Variants in SYTL5 observed in about 807,000 individuals in gnomAD.
The protein encoded by SYTL5 is synaptotagmin-like protein 5.
In SYTL5, 34 loss-of-function variants were observed where a neutral mutation model predicts 55.9. The observed-to-expected ratio is 0.61, with a 90% confidence interval of 0.46 to 0.81. The LOEUF (loss-of-function observed/expected upper bound fraction) is 0.81. Among genes scored for constraint, SYTL5 ranks in the 30% least tolerant of loss-of-function variants. The probability of loss-of-function intolerance (pLI) is 0.00; values close to 1 mark genes in which losing one functional copy is unlikely to be tolerated. For synonymous variants in SYTL5, 221 were observed against 188.7 expected, an observed-to-expected ratio of 1.17 and a Z score of -1.40; for missense variants, 637 against 546.7, an observed-to-expected ratio of 1.17 and a Z score of -1.65.
At chrX:38,110,232 C>A in intron 12 of SYTL5, 89 bp from the exon 13 acceptor site, 1 of 650,622 alleles carries the variant, frequency 1.5e-6, no homozygotes, top group Non-Finnish European at 2.2e-6. Flanking sequence ...TGCATATGAT[C>A]TGAAAGATGT....
chrX:38,036,882 C>T (rs1935123550), intron 2 of SYTL5, among the ~76,000 whole-genome samples: 1 of 111,848 alleles, frequency 8.9e-6, no homozygotes, highest in Admixed American at 9.5e-5. Context: ...ATATTACAAA[C>T]AGCTTAGAGC....
intron 7 of SYTL5, among the ~76,000 whole-genome samples, chrX:38,092,319 C>T (rs1272658736): frequency 9.0e-6 from 1 of 111,686 alleles, no homozygotes; most frequent in Non-Finnish European, 1.9e-5. Context: ...GATAGGCTGT[C>T]TGCAAGCTGC....
the SYTL5 span, among the ~76,000 whole-genome samples, chrX:37,973,418 A>G: frequency 9.0e-6 from 1 of 111,648 alleles, no homozygotes; most frequent in Non-Finnish European, 1.9e-5. Flanking sequence ...AAAAGTGGTC[A>G]GAATCAACTT....
chrX:37,900,311 A>G, the SYTL5 span, among the ~76,000 whole-genome samples: 1 of 112,692 alleles, frequency 8.9e-6, no homozygotes, highest in Admixed American at 9.4e-5. Context: ...AACAGAATTC[A>G]TACTTTCATA....
At chrX:37,959,608 G>A in the SYTL5 span, among the ~76,000 whole-genome samples, 1 of 111,874 alleles carries the variant, frequency 8.9e-6, no homozygotes, top group African/African-American at 3.3e-5. Flanking sequence ...GTTGTCCCTA[G>A]TATTTACCTT....
intron 3 of SYTL5, among the ~76,000 whole-genome samples, chrX:38,067,874 C>T (rs1366215430): frequency 1.8e-5 from 2 of 111,475 alleles, no homozygotes; most frequent in African/African-American, 6.5e-5. Context: ...GAATATCAGC[C>T]TTGGCAAATA....
At chrX:37,899,981 A>G in the SYTL5 span, among the ~76,000 whole-genome samples, 2 of 112,351 alleles carry the variant, frequency 1.8e-5, no homozygotes, top group African/African-American at 6.5e-5. Flanking sequence ...TATGTAAGCA[A>G]ATCTTCATTA....
chrX:37,926,401 C>T, the SYTL5 span, among the ~76,000 whole-genome samples: 1 of 110,183 alleles, frequency 9.1e-6, no homozygotes, highest in Non-Finnish European at 1.9e-5. Flanking sequence ...GCTGACCCCC[C>T]TCCCCAATAG....
chrX:37,908,121 GAA>G, the SYTL5 span, among the ~76,000 whole-genome samples: 2,499 of 89,896 alleles, frequency 0.028, 32 homozygotes, highest in South Asian at 0.078. Context: ...TGTCTCTAAA[GAA>G]AAAAAAAAAA....
the SYTL5 span, among the ~76,000 whole-genome samples, chrX:37,999,959 C>G: frequency 9.0e-6 from 1 of 111,643 alleles, no homozygotes; most frequent in African/African-American, 3.3e-5. Flanking sequence ...TTAATGTTCT[C>G]TTCTGGGAAA....
upstream of SYTL5, among the ~76,000 whole-genome samples, chrX:38,005,593 C>A (rs1425937899): frequency 9.0e-6 from 1 of 110,899 alleles, no homozygotes; most frequent in Non-Finnish European, 1.9e-5. Flanking sequence ...ATTAATAACA[C>A]ACTAGATGGG....
chrX:38,007,211 A>G (rs1368267467), intron 1 of SYTL5, among the ~76,000 whole-genome samples: 4 of 111,903 alleles, frequency 3.6e-5, no homozygotes, highest in African/African-American at 6.5e-5. Context: ...TCCAGTATGG[A>G]TATAAATTCA....
chrX:38,119,064 T>C (rs1937540129), intron 13 of SYTL5, among the ~76,000 whole-genome samples: 2 of 108,510 alleles, frequency 1.8e-5, no homozygotes, highest in Admixed American at 2.0e-4. Flanking sequence ...TCCTCCCACC[T>C]AGGCCTCCCA....
At chrX:37,901,573 G>T in the SYTL5 span, among the ~76,000 whole-genome samples, 1 of 112,148 alleles carries the variant, frequency 8.9e-6, no homozygotes, top group African/African-American at 3.2e-5. Flanking sequence ...TCTCTAAGAA[G>T]TAGGCCCATA....
the SYTL5 span, among the ~76,000 whole-genome samples, chrX:37,966,768 T>G: frequency 9.0e-6 from 1 of 111,650 alleles, no homozygotes; most frequent in South Asian, 3.8e-4. Flanking sequence ...CTTTTAATAC[T>G]TTTGTCTTTT....
chrX:38,071,952 A>C, intron 3 of SYTL5, 95 bp from the exon 4 acceptor site: 1 of 549,361 alleles, frequency 1.8e-6, no homozygotes, highest in Non-Finnish European at 3.1e-6. Context: ...AACTTTATAA[A>C]TAATTTGCTG....
chrX:38,123,712 A>G (rs931736601), intron 15 of SYTL5, among the ~76,000 whole-genome samples: 4 of 112,095 alleles, frequency 3.6e-5, no homozygotes, highest in African/African-American at 1.3e-4. Flanking sequence ...AGCAGTATTC[A>G]CTTTATCTTG....
the SYTL5 span, among the ~76,000 whole-genome samples, chrX:37,960,235 C>A: frequency 1.5e-3 from 170 of 112,233 alleles, no homozygotes; most frequent in African/African-American, 5.3e-3. Context: ...ATCTCCTTAT[C>A]AATTGATCAC....
At chrX:37,927,869 T>C in the SYTL5 span, among the ~76,000 whole-genome samples, 5 of 111,682 alleles carry the variant, frequency 4.5e-5, no homozygotes, top group African/African-American at 1.3e-4. Flanking sequence ...TTCTACTCTA[T>C]AGCATCAGTC....
Sources: allele counts gnomAD v4.1 joint callset (sites outside exome capture counted in the v4.1 genomes callset), GRCh38; gene constraint gnomAD v4.1.1; transcripts MANE v1.5; gene names NCBI Gene and HGNC (gene_info 2026-07-23, HGNC 2026-07-21).